Variants in RBM20 observed in about 807,000 individuals in gnomAD.
The protein encoded by RBM20 is RNA-binding protein 20.
Under a neutral mutation model 110.1 loss-of-function variants are expected in RBM20, and 51 were observed. The ratio of observed to expected loss-of-function variants is 0.46; its 90% CI spans 0.37 to 0.59. The LOEUF (loss-of-function observed/expected upper bound fraction) is 0.59. Ranked by LOEUF, RBM20 falls within the 20% of genes least tolerant of loss-of-function variation. The probability of loss-of-function intolerance (pLI) is 0.00; values close to 1 mark genes in which losing one functional copy is unlikely to be tolerated. For synonymous variants in RBM20, 589 were observed against 618.2 expected (o/e 0.95, Z 0.70); for missense variants, 1,512 against 1,574.9 (o/e 0.96, Z 0.68).
intron 10 of RBM20, 48 bp from the exon 11 acceptor site, chr10:110,821,227 T>G: frequency 6.7e-7 from 1 of 1,495,780 alleles, no homozygotes; most frequent in East Asian, 2.5e-5. Flanking sequence ...GCCTTCCAGT[T>G]GAATGCTCTC....
At chr10:110,801,255 C>A (rs1029541247) in intron 7 of RBM20, among the ~76,000 whole-genome samples, 1 of 151,918 alleles carries the variant, frequency 6.6e-6, no homozygotes, top group Non-Finnish European at 1.5e-5. Context: ...GGTGAAACCC[C>A]GTCTCTACTA....
intron 4 of RBM20, 64 bp from the exon 5 acceptor site, chr10:110,784,728 C>A: frequency 9.5e-7 from 1 of 1,055,590 alleles, no homozygotes; most frequent in South Asian, 1.4e-5. Context: ...CTGCTTATGT[C>A]CTAATAATGA....
At chr10:110,793,859 A>C (rs1243365876) in intron 5 of RBM20, among the ~76,000 whole-genome samples, 2 of 152,260 alleles carry the variant, frequency 1.3e-5, no homozygotes, top group African/African-American at 2.4e-5. Flanking sequence ...AGAAATTCAA[A>C]GTACGATCTC....
chr10:110,802,054 A>G (rs1844633170), intron 7 of RBM20, among the ~76,000 whole-genome samples: 1 of 152,090 alleles, frequency 6.6e-6, no homozygotes, highest in African/African-American at 2.4e-5. Flanking sequence ...GATTTCTTGT[A>G]ATTAATGCTG....
chr10:110,829,098 G>T (rs1053386060), intron 12 of RBM20, among the ~76,000 whole-genome samples: 1 of 152,220 alleles, frequency 6.6e-6, no homozygotes, highest in Non-Finnish European at 1.5e-5. Context: ...TCCTCCAGAG[G>T]CTGGGACGGG....
chr10:110,724,682 G>T (rs1288534628), intron 1 of RBM20, among the ~76,000 whole-genome samples: 1 of 152,124 alleles, frequency 6.6e-6, no homozygotes, highest in South Asian at 2.1e-4. Flanking sequence ...CTCAGGGAGG[G>T]GACATTCTTT....
chr10:110,678,763 G>A (rs1862379218), intron 1 of RBM20, among the ~76,000 whole-genome samples: 1 of 152,128 alleles, frequency 6.6e-6, no homozygotes, highest in South Asian at 2.1e-4. Flanking sequence ...AGAATGTTTG[G>A]TGGTAGATTC....
At chr10:110,701,247 A>AT (rs370862299) in intron 1 of RBM20, among the ~76,000 whole-genome samples, 48 of 148,774 alleles carry the variant, frequency 3.2e-4, no homozygotes, top group Non-Finnish European at 5.2e-4. Context: ...ATTGTGAAGA[A>AT]TTTTTTTTTT....
At chr10:110,731,088 G>A (rs750800308) in intron 1 of RBM20, among the ~76,000 whole-genome samples, 22 of 152,128 alleles carry the variant, frequency 1.4e-4, no homozygotes, top group Non-Finnish European at 1.3e-4. Context: ...TTTGAGGTAT[G>A]AAACTGTTTT....
At chr10:110,774,984 G>C (rs1474796967) in intron 1 of RBM20, among the ~76,000 whole-genome samples, 1 of 152,188 alleles carries the variant, frequency 6.6e-6, no homozygotes, top group African/African-American at 2.4e-5. Context: ...ATGTTTTAAA[G>C]AAAAATGGTT....
intron 5 of RBM20, among the ~76,000 whole-genome samples, chr10:110,791,826 C>G (rs1844487391): frequency 6.6e-6 from 1 of 152,160 alleles, no homozygotes; most frequent in Non-Finnish European, 1.5e-5. Context: ...CTTGGTAATT[C>G]AGGCTTTAGT....
chr10:110,831,690 A>AAAAC (rs1165869674), intron 13 of RBM20, among the ~76,000 whole-genome samples: 24 of 151,884 alleles, frequency 1.6e-4, no homozygotes, highest in East Asian at 1.4e-3. Flanking sequence ...AAAAAAAAAA[A>AAAAC]ACACTGCTTT....
intron 1 of RBM20, among the ~76,000 whole-genome samples, chr10:110,672,856 G>T (rs1042169633): frequency 6.6e-6 from 1 of 152,202 alleles, no homozygotes; most frequent in South Asian, 2.1e-4. Context: ...AAAATCAACT[G>T]ATATTTGGAA....
chr10:110,831,136 C>T lies in RBM20; in HGVS notation c.3527C>T (p.Ala1176Val). ...CTGTTCTACACGAGCGAGGAGACAG[C>T]AAAGATGAGCCACTGCCGCAGCGCT... The part of the protein sequence containing the change: ...CGLFYTSEET[A>V]KMSHCRSAVH... The change falls in exon 13 of 14, where the codon GCA (alanine) becomes GTA (valine). Residue 1176 changes from alanine to valine, a missense_variant. Transcript: ENST00000369519. 6.4e-7 allele frequency: 1 copy of T among 1,551,636 alleles called. No individual in the cohort carries two copies. Among genetic ancestry groups the T allele is most frequent in the Non-Finnish European group, 8.7e-7 (1 of 1,146,956 alleles).
At chr10:110,695,927 A>C (rs1033193919) in intron 1 of RBM20, among the ~76,000 whole-genome samples, 1 of 152,186 alleles carries the variant, frequency 6.6e-6, no homozygotes, top group African/African-American at 2.4e-5. Context: ...AAGAACACTG[A>C]TGCATTGTGA....
intron 3 of RBM20, 80 bp from the exon 4 acceptor site, chr10:110,784,261 A>G: frequency 9.5e-7 from 1 of 1,047,320 alleles, no homozygotes; most frequent in South Asian, 1.4e-5. Context: ...GTCTGCACCT[A>G]CGAGTGGAAT....
chr10:110,801,198 G>A (rs948637753), intron 7 of RBM20, among the ~76,000 whole-genome samples: 1 of 152,154 alleles, frequency 6.6e-6, no homozygotes, highest in Non-Finnish European at 1.5e-5. Flanking sequence ...GGAGACCAAG[G>A]TGGGTGGATC....
chr10:110,705,448 T>G (rs1175305548), intron 1 of RBM20, among the ~76,000 whole-genome samples: 1 of 152,266 alleles, frequency 6.6e-6, no homozygotes, highest in Non-Finnish European at 1.5e-5. Context: ...ATACCAAATC[T>G]GTTTTAACCA....
chr10:110,760,341 G>A (rs763025403), intron 1 of RBM20, among the ~76,000 whole-genome samples: 5 of 149,674 alleles, frequency 3.3e-5, no homozygotes, highest in Non-Finnish European at 7.4e-5. Context: ...GAAAGGGGCT[G>A]TGTTAGACAC....
Sources: gnomAD v4.1 joint callset for allele counts (sites outside exome capture counted in the v4.1 genomes callset) on GRCh38, gnomAD v4.1.1 for gene constraint, MANE v1.5 for transcripts, NCBI Gene and HGNC (gene_info 2026-07-23, HGNC 2026-07-21) for gene names.